The following CACNA1I variants were observed in gnomAD, a reference collection of about 807,000 sequenced individuals.
CACNA1I encodes voltage-dependent T-type calcium channel subunit alpha-1I.
A neutral mutation model predicts 201.6 loss-of-function variants in CACNA1I; 74 were observed. The ratio of observed to expected loss-of-function variants is 0.37; its 90% CI spans 0.30 to 0.45. The LOEUF (loss-of-function observed/expected upper bound fraction) is 0.45, where lower values mean the gene tolerates loss of function less well. Among genes scored for constraint, CACNA1I ranks in the 20% least tolerant of loss-of-function variants. CACNA1I has a pLI of 1.00. For missense variants in CACNA1I, 2,346 were observed against 3,138.1 expected (o/e 0.75, Z 6.03); for synonymous variants, 1,431 against 1,345.2 (o/e 1.06, Z -1.40).
intron 1 of CACNA1I, among the ~76,000 whole-genome samples, chr22:39,577,224 C>T (rs1248940792): frequency 3.3e-5 from 5 of 152,298 alleles, no homozygotes; most frequent in East Asian, 3.9e-4. Flanking sequence ...TAATAAGAGA[C>T]GGGGTTTCAC....
intron 29 of CACNA1I, 149 bp downstream of exon 29, chr22:39,674,182 G>C: frequency 2.7e-6 from 2 of 734,438 alleles, no homozygotes; most frequent in Non-Finnish European, 4.5e-6. Context: ...GCCAGGGGCT[G>C]AGAGGCAGGA....
chr22:39,672,363 G>A (rs1935399959), intron 27 of CACNA1I, 55 bp downstream of exon 27: 3 of 1,216,700 alleles, frequency 2.5e-6, no homozygotes, highest in Non-Finnish European at 3.7e-6. Flanking sequence ...GGATGAAGAA[G>A]CAGTCCTGAC....
In CACNA1I at chr22:39,629,087, G is replaced by A. The variant is rs2146405654; in HGVS notation, c.581-5478G>A. On this transcript the variant is annotated intron_variant, in intron 4 of 36. Coordinates refer to ENST00000402142, the MANE Select transcript of CACNA1I (RefSeq NM_021096.4). The surrounding 1 kb of genome is among the most constrained non-coding windows in gnomAD (Gnocchi z 4.8). ...TGCTGCCCAGGTTCTCTCAAGCAGA[G>A]GCTCTAGCCTAGGGGTCCCCAAAAA... is the stretch of plus-strand genomic sequence containing the variant. Among the ~76,000 whole-genome samples the A allele has an allele frequency of 6.6e-6, 1 of 152,268 alleles. No individual in the cohort carries two copies. Among genetic ancestry groups the A allele is most frequent in the African/African-American group, 2.4e-5 (1 of 41,552 alleles).
intron 3 of CACNA1I, among the ~76,000 whole-genome samples, chr22:39,616,533 A>C (rs1453386708): frequency 6.6e-6 from 1 of 151,982 alleles, no homozygotes; most frequent in Non-Finnish European, 1.5e-5. Flanking sequence ...GGGAGGCCAA[A>C]GTGGGTGGAT....
chr22:39,651,294 A>G (rs904934410), intron 10 of CACNA1I, among the ~76,000 whole-genome samples: 6 of 152,154 alleles, frequency 3.9e-5, no homozygotes, highest in Non-Finnish European at 7.4e-5. Context: ...GAGGCCCTGC[A>G]TGCCGCACCC....
At chr22:39,680,654 AGCCCACG>A (rs1284845540) in intron 33 of CACNA1I, among the ~76,000 whole-genome samples, 6 of 152,182 alleles carry the variant, frequency 3.9e-5, no homozygotes, top group Non-Finnish European at 7.4e-5. Context: ...TGGAGTTCAC[AGCCCACG>A]GCAACTCACC....
At chr22:39,621,004 C>G (rs1296663655) in intron 4 of CACNA1I, among the ~76,000 whole-genome samples, 1 of 152,166 alleles carries the variant, frequency 6.6e-6, no homozygotes, top group Non-Finnish European at 1.5e-5. Context: ...GTGATCCACC[C>G]ACCTTGGCTT....
At chr22:39,634,090 A>G (rs1261819541) in intron 4 of CACNA1I, among the ~76,000 whole-genome samples, 1 of 152,174 alleles carries the variant, frequency 6.6e-6, no homozygotes, top group Non-Finnish European at 1.5e-5. Context: ...GGGTTGTGAA[A>G]AGACAGCTAG....
At chr22:39,640,275 T>C (rs1934319831) in intron 5 of CACNA1I, among the ~76,000 whole-genome samples, 1 of 152,026 alleles carries the variant, frequency 6.6e-6, no homozygotes, top group South Asian at 2.1e-4. Flanking sequence ...TATAGTCCTA[T>C]CTACTCAGGA....
rs974383151 is a variant in CACNA1I at position 39,670,070 on chromosome 22, G to A, written c.4227G>A (p.Leu1409=). 2.5e-6 allele frequency: 4 copies of A among 1,612,744 alleles called. No homozygotes were observed. The African/African-American group carries it at 5.3e-5, about 22-fold the overall frequency. ...PVTNHNPWML[L]YFISFLLIVS... The stretch of plus-strand genomic sequence containing the variant: ...CCAACCACAACCCCTGGATGCTGCT[G>A]TACTTCATCTCCTTCCTGCTCATCG... Residue 1409 remains leucine (L), a synonymous_variant, in exon 25 of 37, where the codon CTG becomes CTA. Coordinates refer to ENST00000402142, the MANE Select transcript of CACNA1I (RefSeq NM_021096.4).
intron 24 of CACNA1I, among the ~76,000 whole-genome samples, chr22:39,669,518 T>A (rs1339998325): frequency 6.6e-6 from 1 of 151,482 alleles, no homozygotes; most frequent in Non-Finnish European, 1.5e-5. Context: ...GATGGGTGAA[T>A]GGATGGATGG....
chr22:39,647,199 T>A (rs979353142), intron 8 of CACNA1I, among the ~76,000 whole-genome samples: 1 of 152,108 alleles, frequency 6.6e-6, no homozygotes, highest in African/African-American at 2.4e-5. Flanking sequence ...AACAAGTGTC[T>A]CTCCTCAGTC....
Position 39,679,104 on chromosome 22 carries a change from C to A in CACNA1I, c.5056-3C>A. The A allele has an allele frequency of 6.3e-7, 1 of 1,579,998 alleles. No individual in the cohort carries two copies. Among genetic ancestry groups the A allele is most frequent in the Non-Finnish European group, 8.6e-7 (1 of 1,162,460 alleles). ...CATCCTCACCGCCCTCCCTGCCACG[C>A]AGGACACGCTGCGGGACTGCACCCA... On this transcript the variant is annotated splice_polypyrimidine_tract_variant and splice_region_variant and intron_variant, in intron 31 of 36. Transcript: ENST00000402142.
chr22:39,632,463 C>T (rs1046186522), intron 4 of CACNA1I, among the ~76,000 whole-genome samples: 20 of 152,204 alleles, frequency 1.3e-4, no homozygotes, highest in African/African-American at 4.3e-4. Flanking sequence ...GCCAAGGCTT[C>T]GCATCCTGGA....
chr22:39,628,717 G>A (rs562388178), intron 4 of CACNA1I, among the ~76,000 whole-genome samples: 4 of 152,192 alleles, frequency 2.6e-5, no homozygotes, highest in East Asian at 3.9e-4. Context: ...ATTAGTTGGC[G>A]CCGGCAATGG....
In CACNA1I at chr22:39,676,832, G is replaced by C. The variant is rs894912687; in HGVS notation, c.4855-509G>C. ...GTAGAGGAGCTAGTGTTAGAGCTGA[G>C]ACCTCCTGCCTTCTCCCTTCCCTTC... On this transcript the variant is annotated intron_variant, in intron 29 of 36. Coordinates refer to ENST00000402142, the MANE Select transcript of CACNA1I (RefSeq NM_021096.4). The surrounding 1 kb of genome is among the most constrained non-coding windows in gnomAD (Gnocchi z 4.8). Among the ~76,000 whole-genome samples the C allele has an allele frequency of 2.6e-5, 4 of 152,208 alleles. No individual in the cohort carries two copies. Among genetic ancestry groups the C allele is most frequent in the Admixed American group, 2.6e-4 (4 of 15,286 alleles).
chr22:39,596,892 A>C (rs1295031648), intron 1 of CACNA1I, among the ~76,000 whole-genome samples: 1 of 152,116 alleles, frequency 6.6e-6, no homozygotes, highest in African/African-American at 2.4e-5. Flanking sequence ...CTTTTACTGC[A>C]TGAGAGCCCC....
chr22:39,575,928 C>A (rs1456161356), intron 1 of CACNA1I, among the ~76,000 whole-genome samples: 6 of 152,142 alleles, frequency 3.9e-5, no homozygotes, highest in African/African-American at 1.4e-4. Context: ...AAGCGCACCA[C>A]CATGCCGGGC....
intron 3 of CACNA1I, among the ~76,000 whole-genome samples, chr22:39,610,380 G>A (rs1215567821): frequency 6.6e-6 from 1 of 152,182 alleles, no homozygotes; most frequent in Non-Finnish European, 1.5e-5. Context: ...CGTTGGGTGG[G>A]CGTGGACTGG....
Sources: gnomAD v4.1 joint callset for allele counts (sites outside exome capture counted in the v4.1 genomes callset) on GRCh38, gnomAD v4.1.1 for gene constraint, Gnocchi (gnomAD v3.1) non-coding constraint, MANE v1.5 for transcripts, NCBI Gene and HGNC (gene_info 2026-07-23, HGNC 2026-07-21) for gene names.